The following SSPN variants were observed in gnomAD, a reference collection of about 807,000 sequenced individuals.
SSPN encodes sarcospan, also known as K-ras oncogene-associated protein.
A neutral mutation model predicts 19.1 loss-of-function variants in SSPN; 15 were observed. That is an observed-to-expected ratio of 0.78 (90% confidence interval 0.52 to 1.21). SSPN has a LOEUF of 1.21. SSPN is among the 50% of genes most tolerant of loss of function. The pLI is 0.00. For synonymous variants in SSPN, 147 were observed against 140.3 expected (o/e 1.05, Z -0.34); for missense variants, 291 against 314.0 (o/e 0.93, Z 0.55).
chr12:26,153,304 A>G (rs945237677), intron 1 of SSPN, among the ~76,000 whole-genome samples: 2 of 152,224 alleles, frequency 1.3e-5, no homozygotes, highest in South Asian at 2.1e-4. Flanking sequence ...AGCACTATCT[A>G]TGTAAGTTTC....
At chr12:26,193,950 A>G (rs965112058), upstream of SSPN, among the ~76,000 whole-genome samples, 9 of 152,338 alleles carry the variant, frequency 5.9e-5, no homozygotes, top group South Asian at 1.9e-3. Context: ...GCAGTTTACA[A>G]AAAGAGCTGA....
chr12:26,124,119 A>G, intron 1 of SSPN: 1 of 1,613,280 alleles, frequency 6.2e-7, no homozygotes, highest in Non-Finnish European at 8.5e-7. Context: ...TGAGCAATGC[A>G]TTCATTAATT....
At chr12:26,161,251 C>T (rs901063165) in intron 1 of SSPN, among the ~76,000 whole-genome samples, 8 of 151,998 alleles carry the variant, frequency 5.3e-5, no homozygotes, top group Non-Finnish European at 8.8e-5. Flanking sequence ...AGTTTCTACC[C>T]CTCTTACCTA....
intron 1 of SSPN, among the ~76,000 whole-genome samples, chr12:26,176,092 C>A (rs1944682157): frequency 6.6e-6 from 1 of 152,214 alleles, no homozygotes; most frequent in Non-Finnish European, 1.5e-5. Context: ...CCACCTTGGC[C>A]TCCTAAAGTG....
chr12:26,192,621 A>G (rs764033574), upstream of SSPN, among the ~76,000 whole-genome samples: 1 of 152,222 alleles, frequency 6.6e-6, no homozygotes, highest in African/African-American at 2.4e-5. Context: ...ACCAAAGACC[A>G]GGCCTCCTCA....
At chr12:26,170,923 C>G (rs1944650226) in intron 1 of SSPN, among the ~76,000 whole-genome samples, 1 of 152,186 alleles carries the variant, frequency 6.6e-6, no homozygotes, top group Admixed American at 6.5e-5. Context: ...TATAAATTAT[C>G]ACATTTCACC....
At chr12:26,187,175 C>A (rs1481686581) in intron 1 of SSPN, among the ~76,000 whole-genome samples, 1 of 152,248 alleles carries the variant, frequency 6.6e-6, no homozygotes, top group Non-Finnish European at 1.5e-5. Context: ...CTGTGCCCAA[C>A]CCTTAACCCC....
intron 1 of SSPN, among the ~76,000 whole-genome samples, chr12:26,199,392 A>C (rs990695552): frequency 3.3e-5 from 5 of 152,168 alleles, no homozygotes; most frequent in Non-Finnish European, 5.9e-5. Context: ...GGGGAAAAAA[A>C]CCCAGAATGG....
At chr12:26,122,688 G>C (rs1183335191) in intron 1 of SSPN, 1 of 1,554,650 alleles carries the variant, frequency 6.4e-7, no homozygotes, top group Admixed American at 1.9e-5. Context: ...CCTCTTGGGC[G>C]CCGGCGAGTC....
chr12:26,179,880 C>T (rs74905338), intron 1 of SSPN: 51 of 146,872 alleles, frequency 3.5e-4, no homozygotes, highest in African/African-American at 1.2e-3. Flanking sequence ...GTAATTGAAA[C>T]GCTCAAATGA....
intron 2 of SSPN, among the ~76,000 whole-genome samples, chr12:26,229,855 A>G (rs1048683805): frequency 6.6e-6 from 1 of 152,328 alleles, no homozygotes; most frequent in South Asian, 2.1e-4. Flanking sequence ...TATTGTGGCC[A>G]TGTCAGTGAA....
intron 1 of SSPN, among the ~76,000 whole-genome samples, chr12:26,223,590 T>C (rs898064590): frequency 1.5e-4 from 23 of 152,236 alleles, no homozygotes; most frequent in Non-Finnish European, 2.6e-4. Flanking sequence ...TCTGTGCTAT[T>C]GCTTATGGTG....
intron 1 of SSPN, chr12:26,122,384 G>C (rs1944316898): frequency 3.2e-6 from 4 of 1,245,414 alleles, no homozygotes; most frequent in Non-Finnish European, 4.0e-6. Flanking sequence ...CCGCCGCCGG[G>C]TACAGATACT....
Position 26,122,760 on chromosome 12 carries a change from C to A in SSPN, c.-31+608C>A, listed in dbSNP as rs747145811. On this transcript the variant is annotated intron_variant, in intron 1 of 2. Transcript: ENST00000538142. Reference sequence around the variant, plus strand: ...CGCCCCCGCGCCTTTGCCTTTCTCGCGGTCCGGCCGGGCCTCGGCTTCGCC... The same window carrying A: ...CGCCCCCGCGCCTTTGCCTTTCTCGAGGTCCGGCCGGGCCTCGGCTTCGCC... 1.9e-5 allele frequency: 30 copies of A among 1,593,666 alleles called. No individual in the cohort carries two copies. In the African/African-American group the frequency reaches 3.1e-4, roughly 17 times the overall value.
intron 1 of SSPN, among the ~76,000 whole-genome samples, chr12:26,138,120 AT>A (rs1298023725): frequency 6.6e-6 from 1 of 152,194 alleles, no homozygotes; most frequent in Non-Finnish European, 1.5e-5. Context: ...CCTCCCGTAT[AT>A]TTGAAATCAT....
At chr12:26,230,209 T>G (rs1945215398) in intron 2 of SSPN, among the ~76,000 whole-genome samples, 1 of 152,208 alleles carries the variant, frequency 6.6e-6, no homozygotes, top group East Asian at 1.9e-4. Flanking sequence ...ATCACTACAT[T>G]GAATGTAGTC....
intron 1 of SSPN, chr12:26,125,284 G>A (rs1944354626): frequency 4.1e-6 from 1 of 243,770 alleles, no homozygotes; most frequent in South Asian, 5.6e-5. Flanking sequence ...GGCAGGAGGA[G>A]GGGGGAGTGG....
chr12:26,201,039 ATATATAT>A (rs1475492440), intron 1 of SSPN, among the ~76,000 whole-genome samples: 6 of 57,452 alleles, frequency 1.0e-4, no homozygotes, highest in African/African-American at 4.4e-4. Flanking sequence ...ATATATATAT[ATATATAT>A]TATATATATA....
intron 1 of SSPN, among the ~76,000 whole-genome samples, chr12:26,147,509 G>A (rs1304197070): frequency 1.3e-5 from 2 of 152,128 alleles, no homozygotes; most frequent in Non-Finnish European, 2.9e-5. Flanking sequence ...GACCTCAGGT[G>A]TTCCACCCGT....
Sources: allele counts gnomAD v4.1 joint callset (sites outside exome capture counted in the v4.1 genomes callset), GRCh38; gene constraint gnomAD v4.1.1; transcripts MANE v1.5; gene names NCBI Gene and HGNC (gene_info 2026-07-23, HGNC 2026-07-21).